PRKCA: variants seen among roughly 807,000 people sequenced by gnomAD.
PRKCA encodes the protein protein kinase C alpha type.
A neutral mutation model predicts 87.0 loss-of-function variants in PRKCA; 27 were observed. The observed-to-expected ratio is 0.31, with a 90% CI of 0.23 to 0.43. The LOEUF is 0.43. Ranked by LOEUF, PRKCA falls within the 20% of genes least tolerant of loss-of-function variation. The pLI is 1.00. For missense variants in PRKCA, 518 were observed against 852.3 expected (o/e 0.61, Z 4.88); for synonymous variants, 329 against 311.1 (o/e 1.06, Z -0.61).
intron 6 of PRKCA, 91 bp downstream of exon 6, chr17:66,687,358 A>C: frequency 7.2e-7 from 1 of 1,386,382 alleles, no homozygotes; most frequent in Admixed American, 2.2e-5. Flanking sequence ...GTTCATTATA[A>C]ACGTCTTTAA....
intron 3 of PRKCA, among the ~76,000 whole-genome samples, chr17:66,562,100 A>T (rs1374320526): frequency 8.8e-6 from 1 of 113,866 alleles, no homozygotes; most frequent in African/African-American, 3.4e-5. Context: ...AATATATATA[A>T]TTAAATTATA....
intron 3 of PRKCA, among the ~76,000 whole-genome samples, chr17:66,627,684 CAA>C (rs896496532): frequency 5.9e-5 from 9 of 152,280 alleles, no homozygotes; most frequent in Admixed American, 3.3e-4. Context: ...AACTAAGTGC[CAA>C]AGAGGCCAAT....
chr17:66,655,552 C>CTA (rs975876606), intron 5 of PRKCA, among the ~76,000 whole-genome samples: 1 of 152,222 alleles, frequency 6.6e-6, no homozygotes, highest in African/African-American at 2.4e-5. Context: ...TCTCCATGCC[C>CTA]TTTATAACAT....
At chr17:66,671,683 A>T (rs1211340217) in intron 5 of PRKCA, among the ~76,000 whole-genome samples, 2 of 152,234 alleles carry the variant, frequency 1.3e-5, no homozygotes, top group African/African-American at 2.4e-5. Flanking sequence ...GAGATGAAAG[A>T]AAGAAAGCAG....
intron 3 of PRKCA, among the ~76,000 whole-genome samples, chr17:66,550,614 A>G (rs1332410205): frequency 6.7e-6 from 1 of 149,708 alleles, no homozygotes; most frequent in Admixed American, 6.7e-5. Context: ...GTGCCACTGC[A>G]CTCCAGCCTG....
chr17:66,634,248 C>T (rs532980380), intron 3 of PRKCA, among the ~76,000 whole-genome samples: 147 of 152,290 alleles, frequency 9.7e-4, no homozygotes, highest in African/African-American at 3.5e-3. Context: ...GTAGGTTAGA[C>T]TTTATTCATG....
intron 2 of PRKCA, among the ~76,000 whole-genome samples, chr17:66,315,537 T>C (rs1426524592): frequency 6.6e-6 from 1 of 151,036 alleles, no homozygotes; most frequent in Non-Finnish European, 1.5e-5. Context: ...TGGAGTGCAG[T>C]AGTGTGATCT....
intron 4 of PRKCA, among the ~76,000 whole-genome samples, chr17:66,643,618 C>CT (rs1196998054): frequency 6.6e-6 from 1 of 152,138 alleles, no homozygotes; most frequent in Non-Finnish European, 1.5e-5. Flanking sequence ...TGGACCAATG[C>CT]TTTTTTGTTT....
intron 2 of PRKCA, among the ~76,000 whole-genome samples, chr17:66,316,190 G>A (rs936144568): frequency 6.6e-6 from 1 of 152,128 alleles, no homozygotes; most frequent in Non-Finnish European, 1.5e-5. Flanking sequence ...TCTTATTTGG[G>A]ATGTTGCCCC....
intron 5 of PRKCA, among the ~76,000 whole-genome samples, chr17:66,669,889 G>A (rs968716160): frequency 5.3e-5 from 8 of 152,302 alleles, no homozygotes; most frequent in African/African-American, 1.9e-4. Flanking sequence ...GTGACAGAGC[G>A]AGACTCTGTC....
intron 3 of PRKCA, among the ~76,000 whole-genome samples, chr17:66,636,580 G>T (rs911222313): frequency 2.0e-5 from 3 of 152,178 alleles, no homozygotes; most frequent in African/African-American, 7.2e-5. Context: ...AGGGAGTCCT[G>T]TTTCCTCCCC....
At chr17:66,511,711 C>T (rs1184452683) in intron 3 of PRKCA, among the ~76,000 whole-genome samples, 4 of 148,976 alleles carry the variant, frequency 2.7e-5, no homozygotes, top group Non-Finnish European at 5.9e-5. Context: ...GATGGAGTCT[C>T]GCTCTGTCAC....
At chr17:66,568,142 C>T (rs1968955694) in intron 3 of PRKCA, among the ~76,000 whole-genome samples, 1 of 152,088 alleles carries the variant, frequency 6.6e-6, no homozygotes, top group African/African-American at 2.4e-5. Context: ...CGATGAAACC[C>T]CATCTCTAGT....
intron 2 of PRKCA, among the ~76,000 whole-genome samples, chr17:66,334,569 A>G (rs2143304898): frequency 6.6e-6 from 1 of 152,322 alleles, no homozygotes; most frequent in Admixed American, 6.5e-5. Flanking sequence ...ACAATGAGAT[A>G]CTGTTTCACA....
intron 2 of PRKCA, among the ~76,000 whole-genome samples, chr17:66,408,076 A>G (rs1426721105): frequency 3.3e-5 from 5 of 152,346 alleles, no homozygotes; most frequent in Non-Finnish European, 5.9e-5. Flanking sequence ...TGGCATTGAC[A>G]CTAATTCACT....
intron 3 of PRKCA, among the ~76,000 whole-genome samples, chr17:66,499,839 C>T (rs992618790): frequency 6.6e-6 from 1 of 152,154 alleles, no homozygotes; most frequent in African/African-American, 2.4e-5. Flanking sequence ...GCCTGGTTCA[C>T]AAAAGATCAT....
chr17:66,438,586 A>G (rs1182509743), intron 2 of PRKCA, among the ~76,000 whole-genome samples: 1 of 152,144 alleles, frequency 6.6e-6, no homozygotes, highest in Middle Eastern at 3.2e-3. Flanking sequence ...AGAGAAGATG[A>G]TTGTATTAGT....
intron 2 of PRKCA, among the ~76,000 whole-genome samples, chr17:66,361,064 G>A (rs1908360080): frequency 6.6e-6 from 1 of 152,066 alleles, no homozygotes; most frequent in African/African-American, 2.4e-5. Flanking sequence ...TGTTTTCACT[G>A]AAGATTATTT....
intron 2 of PRKCA, among the ~76,000 whole-genome samples, chr17:66,322,761 G>A (rs531357312): frequency 6.6e-6 from 1 of 151,428 alleles, no homozygotes; most frequent in Non-Finnish European, 1.5e-5. Flanking sequence ...ATGAGCCACT[G>A]CACCTGGCTA....
Sources: gnomAD v4.1 joint callset for allele counts (sites outside exome capture counted in the v4.1 genomes callset) on GRCh38, gnomAD v4.1.1 for gene constraint, MANE v1.5 for transcripts, NCBI Gene and HGNC (gene_info 2026-07-23, HGNC 2026-07-21) for gene names.